Variants in DCUN1D3 observed in about 807,000 individuals in gnomAD.
The protein encoded by DCUN1D3 is DCN1-like protein 3.
In DCUN1D3, 6 loss-of-function variants were observed where a neutral mutation model predicts 24.8. That is an observed-to-expected ratio of 0.24 (90% CI 0.13 to 0.48). The LOEUF (loss-of-function observed/expected upper bound fraction) is 0.48, where lower values mean the gene tolerates loss of function less well. DCUN1D3 is among the 20% of genes least tolerant of loss of function. DCUN1D3 has a pLI of 0.99. For missense variants in DCUN1D3, 258 were observed against 379.4 expected, an observed-to-expected ratio of 0.68 and a Z score of 2.66; for synonymous variants, 120 against 144.9, an observed-to-expected ratio of 0.83 and a Z score of 1.24.
intron 1 of DCUN1D3, among the ~76,000 whole-genome samples, chr16:20,888,560 G>A (rs2081877484): frequency 6.6e-6 from 1 of 152,188 alleles, no homozygotes; most frequent in Non-Finnish European, 1.5e-5. Flanking sequence ...CCGGGCTAGG[G>A]TGATTCTCCT....
chr16:20,891,150 T>C (rs982822373), intron 1 of DCUN1D3, among the ~76,000 whole-genome samples: 2 of 151,986 alleles, frequency 1.3e-5, no homozygotes, highest in African/African-American at 4.8e-5. Flanking sequence ...CCTGCCACCA[T>C]GCCCGGCTAA....
At chr16:20,876,018 T>A (rs1301430518) in intron 1 of DCUN1D3, among the ~76,000 whole-genome samples, 2 of 152,148 alleles carry the variant, frequency 1.3e-5, no homozygotes, top group African/African-American at 4.8e-5. Flanking sequence ...CACGCTGGAG[T>A]GCAGTGGCAT....
chr16:20,871,196 T>C (rs1054263677), intron 1 of DCUN1D3, among the ~76,000 whole-genome samples: 1 of 152,224 alleles, frequency 6.6e-6, no homozygotes, highest in African/African-American at 2.4e-5. Flanking sequence ...AGTTGATCCC[T>C]CTGCCAAAGC....
At chr16:20,870,869 A>G (rs1008903426) in intron 1 of DCUN1D3, among the ~76,000 whole-genome samples, 1 of 152,236 alleles carries the variant, frequency 6.6e-6, no homozygotes, top group Non-Finnish European at 1.5e-5. Flanking sequence ...ACATAAGTAC[A>G]TGAATTCCTC....
chr16:20,877,232 C>CA (rs1312612780), intron 1 of DCUN1D3, among the ~76,000 whole-genome samples: 2 of 150,646 alleles, frequency 1.3e-5, no homozygotes, highest in African/African-American at 4.9e-5. Context: ...TATCAATTAA[C>CA]AAAAAAATGG....
chr16:20,869,210 G>C (rs945389381), intron 1 of DCUN1D3, among the ~76,000 whole-genome samples: 8 of 152,252 alleles, frequency 5.3e-5, no homozygotes, highest in Admixed American at 5.2e-4. Context: ...ATCATGAAAT[G>C]ACAACCAGGC....
In DCUN1D3 at chr16:20,860,144, C is replaced by T. The variant is rs772578785; in HGVS notation, c.657G>A (p.Pro219=). ...WKLVFTQNNP[P]VLDQWLNFLT... is the part of the protein sequence containing the mutation. ...GGAAGTTTAGCCATTGGTCCAATACCGGAGGATTGTTCTGGGTAAAGACTA... is the reference window on the plus strand; with the variant it reads ...GGAAGTTTAGCCATTGGTCCAATACTGGAGGATTGTTCTGGGTAAAGACTA... The change falls in exon 3 of 3, where the codon CCG becomes CCA. Residue 219 remains proline (P), a synonymous_variant. Coordinates refer to ENST00000324344, the MANE Select transcript of DCUN1D3 (RefSeq NM_173475.4). The surrounding 1 kb of genome is among the most constrained non-coding windows in gnomAD (Gnocchi z 4.3). The T allele has an allele frequency of 7.4e-6, 12 of 1,614,082 alleles. No individual in the cohort carries two copies. Among genetic ancestry groups the T allele is most frequent in the Middle Eastern group, 1.6e-4 (1 of 6,084 alleles).
intron 1 of DCUN1D3, among the ~76,000 whole-genome samples, chr16:20,873,257 C>T (rs1164527728): frequency 6.6e-6 from 1 of 152,096 alleles, no homozygotes; most frequent in Non-Finnish European, 1.5e-5. Flanking sequence ...TCACTTATAT[C>T]TAAATTTCCT....
intron 2 of DCUN1D3, among the ~76,000 whole-genome samples, chr16:20,861,088 C>T (rs1040110815): frequency 4.6e-5 from 7 of 152,166 alleles, no homozygotes; most frequent in Non-Finnish European, 8.8e-5. Flanking sequence ...TTCACAACCC[C>T]GTGCTCTACA....
rs1228222275 is a variant in DCUN1D3 at position 20,859,560 on chromosome 16, C to CAAAAAAAAAAAAAAAAAAAAA, written c.*325_*326insTTTTTTTTTTTTTTTTTTTTT. The stretch of plus-strand genomic sequence containing the variant: ...CCTACCAAAAAAAAAAAAAAAAAAA[C>CAAAAAAAAAAAAAAAAAAAAA]AAAAAAAAACAAAAAAAAAACCTAA... On this transcript the variant is annotated 3_prime_UTR_variant, in exon 3 of 3. Coordinates refer to ENST00000324344, the MANE Select transcript of DCUN1D3 (RefSeq NM_173475.4). 8.2e-5 allele frequency: 7 copies of CAAAAAAAAAAAAAAAAAAAAA among 85,862 alleles called. No individual in the cohort carries two copies. The highest frequency in any genetic ancestry group is 2.4e-4 in the African/African-American group (5 of 20,904). The allele number at this position is 85,862 out of a possible 1,614,324, so 5.3% of individuals were successfully genotyped here. A position where few individuals can be genotyped will look rare whatever the true frequency, so the allele number is the denominator to read the frequency against.
intron 1 of DCUN1D3, among the ~76,000 whole-genome samples, chr16:20,865,645 C>T (rs1596629941): frequency 1.3e-5 from 2 of 152,198 alleles, no homozygotes; most frequent in African/African-American, 2.4e-5. Flanking sequence ...CGGGCCTCCC[C>T]AGGTCTAGGG....
At chr16:20,891,362 A>G (rs1156385712) in intron 1 of DCUN1D3, among the ~76,000 whole-genome samples, 2 of 152,226 alleles carry the variant, frequency 1.3e-5, no homozygotes, top group Non-Finnish European at 2.9e-5. Flanking sequence ...AGCAATTGAC[A>G]TGTAACTGTT....
At chr16:20,892,338 A>G (rs2081896041) in intron 1 of DCUN1D3, among the ~76,000 whole-genome samples, 1 of 152,188 alleles carries the variant, frequency 6.6e-6, no homozygotes, top group South Asian at 2.1e-4. Flanking sequence ...CAACTGGGGA[A>G]AAACACCTCC....
intron 1 of DCUN1D3, among the ~76,000 whole-genome samples, chr16:20,875,209 T>TGCACGC (rs1555497069): frequency 8.6e-4 from 83 of 96,170 alleles, no homozygotes; most frequent in African/African-American, 3.2e-3. Flanking sequence ...CGTGCGCTCA[T>TGCACGC]GCACACACAC....
intron 1 of DCUN1D3, among the ~76,000 whole-genome samples, chr16:20,889,896 GGGA>G: frequency 6.6e-6 from 1 of 152,248 alleles, no homozygotes; most frequent in South Asian, 2.1e-4. Context: ...CTGAGCTTTG[GGGA>G]GGGGAGGGCT....
intron 1 of DCUN1D3, among the ~76,000 whole-genome samples, chr16:20,891,128 C>G (rs139321286): frequency 6.6e-6 from 1 of 151,788 alleles, no homozygotes; most frequent in Admixed American, 6.6e-5. Context: ...CGAATAGCTA[C>G]GATTACAGGC....
intron 2 of DCUN1D3, among the ~76,000 whole-genome samples, chr16:20,861,667 T>C (rs1474414272): frequency 6.6e-6 from 1 of 151,746 alleles, no homozygotes; most frequent in Non-Finnish European, 1.5e-5. Flanking sequence ...AGATGAGCAG[T>C]GCCCAGTTAC....
intron 1 of DCUN1D3, among the ~76,000 whole-genome samples, chr16:20,878,571 C>T (rs1158225778): frequency 1.3e-5 from 2 of 152,186 alleles, no homozygotes; most frequent in African/African-American, 4.8e-5. Flanking sequence ...TCTTCCCCAC[C>T]TCAACAAATA....
At chr16:20,863,088 G>A (rs2081742052) in intron 1 of DCUN1D3, among the ~76,000 whole-genome samples, 1 of 152,212 alleles carries the variant, frequency 6.6e-6, no homozygotes, top group Non-Finnish European at 1.5e-5. Flanking sequence ...TGAGTAGGGA[G>A]AAGGGGTGGC....
Sources: allele counts gnomAD v4.1 joint callset (sites outside exome capture counted in the v4.1 genomes callset), GRCh38; gene constraint gnomAD v4.1.1; non-coding constraint Gnocchi (gnomAD v3.1); transcripts MANE v1.5; gene names NCBI Gene and HGNC (gene_info 2026-07-23, HGNC 2026-07-21).